Variants in KIF23 observed in about 807,000 individuals in gnomAD.
KIF23 encodes the protein kinesin family member 23, also known as kinesin-like protein KIF23.
KIF23 carries 30 observed loss-of-function variants against 137.5 expected under a neutral mutation model. The ratio of observed to expected loss-of-function variants is 0.22; its 90% CI spans 0.16 to 0.30. The LOEUF (loss-of-function observed/expected upper bound fraction) is 0.30, where lower values mean the gene tolerates loss of function less well. KIF23 is among the 10% of genes least tolerant of loss of function. The pLI is 1.00. For missense variants in KIF23, 920 were observed against 1,194.3 expected (o/e 0.77, Z 3.38); for synonymous variants, 367 against 391.1 (o/e 0.94, Z 0.73).
At chr15:69,417,543 T>A in intron 3 of KIF23, 32 bp downstream of exon 3, 1 of 1,598,336 alleles carries the variant, frequency 6.3e-7, no homozygotes, top group Non-Finnish European at 8.5e-7. Flanking sequence ...TTGTTTTTAC[T>A]CAATATGTTG....
chr15:69,420,038 A>G (rs916435160), intron 3 of KIF23, among the ~76,000 whole-genome samples: 12 of 152,092 alleles, frequency 7.9e-5, no homozygotes, highest in Non-Finnish European at 1.8e-4. Context: ...GCCGAGGCAG[A>G]GGGATTACTT....
In KIF23 at chr15:69,425,622, G is replaced by A. The variant is rs538488112; in HGVS notation, c.776+299G>A. On this transcript the variant is annotated intron_variant, in intron 8 of 23. Coordinates refer to ENST00000679126, the MANE Select transcript of KIF23 (RefSeq NM_001367805.3). ...CACTTTGAAAGGATTGCCACTCCTG[G>A]TATATACCAAACTCTTTCTGAATTT... 2.0e-5 allele frequency among the ~76,000 whole-genome samples: 3 copies of A among 152,260 alleles called. No individual in the cohort carries two copies. In the South Asian group the frequency reaches 6.2e-4, roughly 32 times the overall value.
chr15:69,436,537 T>G, intron 14 of KIF23, 27 bp from the exon 15 acceptor site: 1 of 1,574,858 alleles, frequency 6.3e-7, no homozygotes, highest in Non-Finnish European at 8.6e-7. Flanking sequence ...TATGTAACTT[T>G]TTGTAATTTT....
chr15:69,419,608 C>A (rs1051891718), intron 3 of KIF23, among the ~76,000 whole-genome samples: 1 of 152,324 alleles, frequency 6.6e-6, no homozygotes, highest in East Asian at 1.9e-4. Context: ...CAACCCCTCT[C>A]CCCTGGTCTG....
intron 8 of KIF23, 23 bp downstream of exon 8, chr15:69,425,346 T>G: frequency 6.5e-7 from 1 of 1,532,394 alleles, no homozygotes; most frequent in Non-Finnish European, 8.7e-7. Context: ...GTTGGCTCTT[T>G]TCTTAAGGAG....
chr15:69,424,313 A>C (rs956183544), intron 7 of KIF23, among the ~76,000 whole-genome samples: 1 of 152,204 alleles, frequency 6.6e-6, no homozygotes, highest in Non-Finnish European at 1.5e-5. Context: ...AAGTAAGCTA[A>C]ATGTAAAAAT....
intron 19 of KIF23, 49 bp downstream of exon 19, chr15:69,441,128 C>A: frequency 6.8e-7 from 1 of 1,476,262 alleles, no homozygotes; most frequent in Non-Finnish European, 9.1e-7. Flanking sequence ...ATTTTATCTT[C>A]TTTGTTTTTT....
chr15:69,440,693 A>G, intron 18 of KIF23, 75 bp from the exon 19 acceptor site: 1 of 1,306,242 alleles, frequency 7.7e-7, no homozygotes, highest in Non-Finnish European at 1.0e-6. Context: ...TCATGTGCTA[A>G]CATTATAGAA....
intron 2 of KIF23, 109 bp downstream of exon 2, chr15:69,416,172 T>G: frequency 3.1e-6 from 2 of 646,492 alleles, no homozygotes. Flanking sequence ...TGTGGAAGTA[T>G]AATCAAAGAA....
chr15:69,429,046 T>C (rs2057285618), intron 10 of KIF23, 65 bp from the exon 11 acceptor site: 1 of 1,047,186 alleles, frequency 9.5e-7, no homozygotes, highest in Non-Finnish European at 1.4e-6. Context: ...GATATGAATC[T>C]ATTTAAAGAA....
rs775438292 is a variant in KIF23 at position 69,441,771 on chromosome 15, TC to T, written c.2421+693del. Among the ~76,000 whole-genome samples, 286 of 151,846 alleles carry T rather than the reference TC, an allele frequency of 1.9e-3. 3 individuals carry two copies. Among genetic ancestry groups the T allele is most frequent in the African/African-American group, 6.3e-3 (259 of 41,390 alleles). Reference sequence around the variant, plus strand: ...GTTGTCCCAAAATTGGATTGGCTTTTCTTTTTTTTTTTTTAAAGACAGAGTC... The same window carrying T: ...GTTGTCCCAAAATTGGATTGGCTTTTTTTTTTTTTTTTTAAAGACAGAGTC... On this transcript the variant is annotated intron_variant, in intron 19 of 23. Transcript: ENST00000679126.
intron 15 of KIF23, 96 bp from the exon 16 acceptor site, chr15:69,438,152 A>G (rs1246515614): frequency 1.8e-6 from 2 of 1,082,814 alleles, no homozygotes; most frequent in Non-Finnish European, 2.6e-6. Context: ...AGATTTGCTG[A>G]ATAACTACAT....
At chr15:69,436,448 C>A in intron 14 of KIF23, 116 bp from the exon 15 acceptor site, 1 of 1,194,754 alleles carries the variant, frequency 8.4e-7, no homozygotes, top group Non-Finnish European at 1.2e-6. Flanking sequence ...AAACTTATGT[C>A]AGCTCAAGAA....
Position 69,441,147 on chromosome 15 carries a change from T to C in KIF23, c.2421+68T>C, listed in dbSNP as rs2057610569. 5 of 1,349,722 alleles carry C rather than the reference T, an allele frequency of 3.7e-6. No homozygotes were observed. In the African/African-American group the frequency reaches 7.3e-5, roughly 20 times the overall value. 83.6% of individuals were successfully genotyped at this position (1,349,722 alleles called of 1,614,324 possible). A position where few individuals can be genotyped will look rare whatever the true frequency, so the allele number is the denominator to read the frequency against. On this transcript the variant is annotated intron_variant, in intron 19 of 23. Coordinates refer to ENST00000679126, the MANE Select transcript of KIF23 (RefSeq NM_001367805.3). ...TATCTTCTTTGTTTTTTGTAACTTG[T>C]GTCTGAAAGTTCATTGGAAAAATGG...
chr15:69,436,321 A>T (rs913629749), intron 14 of KIF23, 60 bp downstream of exon 14: 33 of 1,533,746 alleles, frequency 2.2e-5, no homozygotes, highest in Middle Eastern at 1.7e-4. Context: ...TCTCTTTTTT[A>T]AAAAAAATTA....
chr15:69,421,114 C>T (rs1345501413), intron 3 of KIF23, among the ~76,000 whole-genome samples: 1 of 152,106 alleles, frequency 6.6e-6, no homozygotes, highest in African/African-American at 2.4e-5. Flanking sequence ...CATTTTTGGC[C>T]AGGTGTGGTG....
chr15:69,438,120 C>A, intron 15 of KIF23, 128 bp from the exon 16 acceptor site: 2 of 770,882 alleles, frequency 2.6e-6, no homozygotes, highest in Non-Finnish European at 4.0e-6. Flanking sequence ...CTTGTTTTCT[C>A]ATTATAGACT....
intron 11 of KIF23, among the ~76,000 whole-genome samples, chr15:69,430,627 G>T (rs529660918): frequency 6.6e-6 from 1 of 152,346 alleles, no homozygotes; most frequent in South Asian, 2.1e-4. Context: ...CAGTTGCTTG[G>T]TCCTGAGATA....
Position 69,414,494 on chromosome 15 carries a change from G to A in KIF23, c.11+18G>A, listed in dbSNP as rs768768631. The stretch of plus-strand genomic sequence containing the variant: ...AAGTCAGCGTGAGTACGAGGCCGCC[G>A]AGCAGGGAGAGAGGGCGGACGGGGG... On this transcript the variant is annotated intron_variant, in intron 1 of 23. Coordinates refer to ENST00000679126, the MANE Select transcript of KIF23 (RefSeq NM_001367805.3). 1.3e-5 allele frequency: 21 copies of A among 1,571,648 alleles called. No individual in the cohort carries two copies. The highest frequency in any genetic ancestry group is 1.6e-5 in the Non-Finnish European group (18 of 1,158,136).
Sources: allele counts gnomAD v4.1 joint callset (sites outside exome capture counted in the v4.1 genomes callset), GRCh38; gene constraint gnomAD v4.1.1; transcripts MANE v1.5; gene names NCBI Gene and HGNC (gene_info 2026-07-23, HGNC 2026-07-21).